The following SPTB variants were observed in gnomAD, a reference collection of about 807,000 sequenced individuals.
The protein encoded by SPTB is spectrin beta chain, erythrocytic.
In SPTB, 45 loss-of-function variants were observed where a neutral mutation model predicts 256.2. The ratio of observed to expected loss-of-function variants is 0.18; its 90% confidence interval spans 0.14 to 0.23. The LOEUF (loss-of-function observed/expected upper bound fraction) is 0.23. SPTB is among the 10% of genes least tolerant of loss of function. The pLI is 1.00. For synonymous variants in SPTB, 1,231 were observed against 1,243.1 expected, an observed-to-expected ratio of 0.99 and a Z score of 0.21; for missense variants, 2,715 against 3,040.4, an observed-to-expected ratio of 0.89 and a Z score of 2.52.
intron 1 of SPTB, among the ~76,000 whole-genome samples, chr14:64,871,516 G>A (rs909730135): frequency 4.6e-5 from 7 of 152,210 alleles, no homozygotes; most frequent in African/African-American, 1.4e-4. Flanking sequence ...GGGATGGTTT[G>A]GAGAGGGAGA....
At chr14:64,751,894 C>G (rs1034476541) in intron 33 of SPTB, among the ~76,000 whole-genome samples, 8 of 133,982 alleles carry the variant, frequency 6.0e-5, no homozygotes, top group Non-Finnish European at 1.1e-4. Context: ...CCAGCCTGAC[C>G]AACAAGGTGA....
rs186031879 is a variant in SPTB at position 64,878,516 on chromosome 14, G to C, written c.-52+1276C>G. ...GGTTATAGTGGGGGAAGGGGTGGGC[G>C]AAGAGGGAATTCTAGAATAAAATTC... On this transcript the variant is annotated intron_variant, in intron 1 of 35. Transcript: ENST00000644917. 2.7e-4 allele frequency among the ~76,000 whole-genome samples: 41 copies of C among 152,296 alleles called. No homozygotes were observed. The East Asian group carries it at 6.2e-3, about 23-fold the overall frequency.
In SPTB at chr14:64,785,656, A is replaced by T. The variant is rs2082551300; in HGVS notation, c.3765-29T>A. On this transcript the variant is annotated intron_variant, in intron 17 of 35. Transcript: ENST00000644917. The surrounding 1 kb of genome is among the most constrained non-coding windows in gnomAD (Gnocchi z 4.4). ...GAAAGGAAGCCAAAAGCACAGTCAC[A>T]ATAGTGCCGAGCTTGGGGTCCTCAC... The T allele has an allele frequency of 6.2e-7, 1 of 1,613,616 alleles. No homozygotes were observed. The highest frequency in any genetic ancestry group is 8.5e-7 in the Non-Finnish European group (1 of 1,179,694).
chr14:64,854,471 G>A (rs1297160266), intron 1 of SPTB, among the ~76,000 whole-genome samples: 6 of 151,222 alleles, frequency 4.0e-5, no homozygotes, highest in Non-Finnish European at 8.8e-5. Flanking sequence ...GTAGAGATGG[G>A]GTTTCACCGT....
Position 64,753,547 on chromosome 14 carries a change from CCTT to C in SPTB, c.6589_6591del (p.Lys2197del), listed in dbSNP as rs774322325. The C allele has an allele frequency of 1.2e-5, 20 of 1,613,408 alleles. No individual in the cohort carries two copies. Among genetic ancestry groups the C allele is most frequent in the Non-Finnish European group, 1.6e-5 (19 of 1,180,026 alleles). The stretch of plus-strand genomic sequence containing the variant: ...CTCTCCCGCACTCACCTGTTGGAAG[CCTT>C]CTTGTTGGGCCCCTCCAGGTCATGC... On this transcript the variant is annotated inframe_deletion, in exon 33 of 36. Transcript: ENST00000644917.
rs2139408522 is a variant in SPTB, at chr14:64,747,667, G to A, written c.*1639C>T. 6.6e-6 allele frequency: 1 copy of A among 152,340 alleles called. No homozygotes were observed. Among genetic ancestry groups the A allele is most frequent in the Non-Finnish European group, 1.5e-5 (1 of 68,080 alleles). 9.4% of individuals were successfully genotyped at this position (152,340 alleles called of 1,614,324 possible). A position where few individuals can be genotyped will look rare whatever the true frequency, so the allele number is the denominator to read the frequency against. On this transcript the variant is annotated 3_prime_UTR_variant, in exon 36 of 36. Transcript: ENST00000644917. Reference sequence around the variant, plus strand: ...CCTCATTCTGGATGCCTGCCCCTGTGGCTTCTACCTGAACCTCACCCACTT... The same window carrying A: ...CCTCATTCTGGATGCCTGCCCCTGTAGCTTCTACCTGAACCTCACCCACTT...
At position 64,796,674 on chromosome 14, in the gene SPTB, C is replaced by T. The variant is rs1284614891; in HGVS notation, c.1224G>A (p.Leu408=). ...GCCGAATGAGCTCATTTCTCAGGGC[C>T]AGCTCCCGCCGATACTCAGCTTCCT... ...SLEEAEYRRE[L]ALRNELIRQE... The change falls in exon 11 of 36, where the codon CTG becomes CTA. Residue 408 remains leucine (L), a synonymous_variant. Transcript: ENST00000644917. The surrounding 1 kb of genome is among the most constrained non-coding windows in gnomAD (Gnocchi z 4.1). The T allele has an allele frequency of 1.1e-5, 18 of 1,614,180 alleles. No individual in the cohort carries two copies. In the East Asian group the frequency reaches 4.0e-4, roughly 36 times the overall value.
Position 64,800,762 on chromosome 14 carries a change from G to A in SPTB, c.870C>T (p.Val290=), listed in dbSNP as rs781257002. Residue 290 remains valine, a synonymous_variant, in exon 8 of 36, where the codon GTC becomes GTT. Coordinates refer to ENST00000644917, the MANE Select transcript of SPTB (RefSeq NM_001355436.2). ...MKVLAVEGKR[V]GKVIDHAIET... Reference sequence around the variant, plus strand: ...GTTCCAAAACAGCTTGTACCTTGCCGACACGCTTGCCCTCCACTGCCAGCA... The same window carrying A: ...GTTCCAAAACAGCTTGTACCTTGCCAACACGCTTGCCCTCCACTGCCAGCA... 17 of 1,613,892 alleles carry A rather than the reference G, an allele frequency of 1.1e-5. 1 individual carries two copies. Among genetic ancestry groups the A allele is most frequent in the East Asian group, 6.7e-5 (3 of 44,888 alleles).
rs938451131 is a variant in SPTB at position 64,847,223 on chromosome 14, C to G, written c.-51-24078G>C. Among the ~76,000 whole-genome samples, 4 of 152,212 alleles carry G rather than the reference C, an allele frequency of 2.6e-5. No individual in the cohort carries two copies. The highest frequency in any genetic ancestry group is 5.9e-5 in the Non-Finnish European group (4 of 68,032). Reference sequence around the variant, plus strand: ...ACTAGGAAACAGTGACCCCAAAGGCCAGCGAAGACAGCCCAACTTGGCTGT... The same window carrying G: ...ACTAGGAAACAGTGACCCCAAAGGCGAGCGAAGACAGCCCAACTTGGCTGT... On this transcript the variant is annotated intron_variant, in intron 1 of 35. Transcript: ENST00000644917. The surrounding 1 kb of genome is among the most constrained non-coding windows in gnomAD (Gnocchi z 5.9).
intron 1 of SPTB, among the ~76,000 whole-genome samples, chr14:64,871,362 A>T (rs1166458006): frequency 6.6e-6 from 1 of 152,210 alleles, no homozygotes; most frequent in East Asian, 1.9e-4. Context: ...GTGGTAAAAG[A>T]GTAGAAAAAA....
chr14:64,809,262 CA>C (rs57245539), intron 2 of SPTB, among the ~76,000 whole-genome samples: 4,823 of 90,880 alleles, frequency 0.053, 158 homozygotes, highest in East Asian at 0.28. Flanking sequence ...AACTTTGTAT[CA>C]AAAAAAAAAA....
Position 64,802,297 on chromosome 14 carries a change from T to A in SPTB, c.495A>T (p.Gln165His), listed in dbSNP as rs1413773421. Residue 165 changes from glutamine (Q) to histidine (H), a missense_variant, in exon 5 of 36, where the codon CAA becomes CAT. This residue lies in a region of SPTB where 416 missense variants were observed against 571.1 expected (regional missense o/e 0.73). Coordinates refer to ENST00000644917, the MANE Select transcript of SPTB (RefSeq NM_001355436.2). The surrounding 1 kb of genome is among the most constrained non-coding windows in gnomAD (Gnocchi z 5.1). ...LRFQIQDIVV[Q>H]TQEGRETRSA... ...AGCGTGTTTCACGACCTTCCTGAGT[T>A]TGGACCACAATGTCCTGAATCTGAG... 6.2e-7 allele frequency: 1 copy of A among 1,614,074 alleles called. No individual in the cohort carries two copies. The highest frequency in any genetic ancestry group is 1.3e-5 in the African/African-American group (1 of 74,930).
intron 1 of SPTB, among the ~76,000 whole-genome samples, chr14:64,861,724 T>G (rs2083974222): frequency 6.6e-6 from 1 of 152,170 alleles, no homozygotes; most frequent in South Asian, 2.1e-4. Flanking sequence ...TGTCTTCTGC[T>G]CCTCGCCACG....
intron 15 of SPTB, 70 bp from the exon 16 acceptor site, chr14:64,787,230 C>A: frequency 1.9e-6 from 3 of 1,581,590 alleles, no homozygotes; most frequent in Non-Finnish European, 2.6e-6. Context: ...CATAGGAGAC[C>A]CTGACCCCTT....
At chr14:64,761,096 A>G (rs1344097330) in intron 32 of SPTB, among the ~76,000 whole-genome samples, 2 of 152,158 alleles carry the variant, frequency 1.3e-5, no homozygotes, top group Non-Finnish European at 2.9e-5. Context: ...GCCTTAGGCA[A>G]CCAAAGAGTG....
chr14:64,749,173 G>T lies in SPTB; in HGVS notation c.*133C>A. Reference sequence around the variant, plus strand: ...GCGAAGGCAGCTTTTGCAGTGCAGCGTGGGGCCCGGGGGCCCGGCCCGCGA... The same window carrying T: ...GCGAAGGCAGCTTTTGCAGTGCAGCTTGGGGCCCGGGGGCCCGGCCCGCGA... On this transcript the variant is annotated 3_prime_UTR_variant, in exon 36 of 36. Transcript: ENST00000644917. This position sits in a 1 kb window ranked among gnomAD's most constrained non-coding sequence, Gnocchi z 4.7. The T allele has an allele frequency of 9.0e-7, 1 of 1,113,400 alleles. No homozygotes were observed. Among genetic ancestry groups the T allele is most frequent in the Non-Finnish European group, 1.3e-6 (1 of 788,892 alleles). 69.0% of individuals were successfully genotyped at this position (1,113,400 alleles called of 1,614,324 possible). A position where few individuals can be genotyped will look rare whatever the true frequency, so the allele number is the denominator to read the frequency against.
At chr14:64,803,918 G>C (rs2082934917) in intron 3 of SPTB, 138 bp from the exon 4 acceptor site, 1 of 885,784 alleles carries the variant, frequency 1.1e-6, no homozygotes, top group Admixed American at 2.5e-5. Context: ...GTCATTCATT[G>C]ACACTATTCA....
chr14:64,773,200 CAGG>C lies in SPTB; in HGVS notation c.5178+17_5178+19del. On this transcript the variant is annotated intron_variant, in intron 25 of 35. Coordinates refer to ENST00000644917, the MANE Select transcript of SPTB (RefSeq NM_001355436.2). ...CCGCATTAGAGAAAGACAAAAACAG[CAGG>C]AGTTGTGGCTACTCACAGTCACGTG... The C allele has an allele frequency of 2.5e-6, 4 of 1,614,102 alleles. No individual in the cohort carries two copies. In the East Asian group the frequency reaches 6.7e-5, roughly 27 times the overall value.
rs1408363116 is a variant in SPTB at position 64,767,329 on chromosome 14, A to G, written c.6243T>C (p.Ile2081=). ...CAGTCTCCTCTGCGGGTCTCTCTGC[A>G]ATCTGGCGTTCTTTCAGCTCAAGCT... ...PTTLELKERQ[I]AERPAEETGP... Residue 2081 remains isoleucine (I), a synonymous_variant, in exon 31 of 36, where the codon ATT becomes ATC. Transcript: ENST00000644917. 6.2e-7 allele frequency: 1 copy of G among 1,614,082 alleles called. No individual in the cohort carries two copies. Among genetic ancestry groups the G allele is most frequent in the South Asian group, 1.1e-5 (1 of 91,086 alleles).
Sources: allele counts gnomAD v4.1 joint callset (sites outside exome capture counted in the v4.1 genomes callset), GRCh38; gene constraint gnomAD v4.1.1; regional missense constraint gnomAD v4.1.1; non-coding constraint Gnocchi (gnomAD v3.1); transcripts MANE v1.5; gene names NCBI Gene and HGNC (gene_info 2026-07-23, HGNC 2026-07-21).